WWTR1: variants seen among roughly 807,000 people sequenced by gnomAD.
The protein encoded by WWTR1 is WW domain containing transcription regulator 1.
In WWTR1, 13 loss-of-function variants were observed where a neutral mutation model predicts 40.1. The observed-to-expected ratio is 0.32, with a 90% CI of 0.21 to 0.52. WWTR1 has a LOEUF of 0.52. Among genes scored for constraint, WWTR1 ranks in the 20% least tolerant of loss-of-function variants. The pLI, the probability that WWTR1 is intolerant of heterozygous loss-of-function variation, is 0.97. For synonymous variants in WWTR1, 230 were observed against 210.1 expected (o/e 1.09, Z -0.82); for missense variants, 436 against 523.1 (o/e 0.83, Z 1.63).
At chr3:149,660,462 C>G (rs1381396154), upstream of WWTR1, 1 of 152,150 alleles carries the variant, frequency 6.6e-6, no homozygotes, top group Non-Finnish European at 1.5e-5. Context: ...GGAAATTGCC[C>G]TTAACACAGG....
chr3:149,550,193 T>A (rs564208664), intron 3 of WWTR1, among the ~76,000 whole-genome samples: 1 of 152,282 alleles, frequency 6.6e-6, no homozygotes, highest in Non-Finnish European at 1.5e-5. Flanking sequence ...ATGGTTGGGG[T>A]ATGTACAAAT....
At chr3:149,676,668 G>GGC (rs1559838170) in intron 1 of WWTR1, among the ~76,000 whole-genome samples, 1,695 of 151,662 alleles carry the variant, frequency 0.011, 30 homozygotes, top group African/African-American at 0.039. Flanking sequence ...TTGCCCATGC[G>GGC]CACAGTTAGC....
rs1735000734 is a variant in WWTR1, at chr3:149,520,710, G to A, written c.*95C>T. 11 of 1,197,016 alleles carry A rather than the reference G, an allele frequency of 9.2e-6. No individual in the cohort carries two copies. The East Asian group carries it at 3.1e-4, about 34-fold the overall frequency. The allele number at this position is 1,197,016 out of a possible 1,614,324, so 74.1% of individuals were successfully genotyped here. Reference sequence around the variant, plus strand: ...GGAGCACGAGTCATGGAGGCGGGAAGTGGTGCACCTGCAGACTTGCTCTGC... The same window carrying A: ...GGAGCACGAGTCATGGAGGCGGGAAATGGTGCACCTGCAGACTTGCTCTGC... On this transcript the variant is annotated 3_prime_UTR_variant, in exon 7 of 7. Transcript: ENST00000360632.
intron 1 of WWTR1, among the ~76,000 whole-genome samples, chr3:149,674,595 AAAG>A (rs1357407821): frequency 6.6e-6 from 1 of 152,068 alleles, no homozygotes; most frequent in African/African-American, 2.4e-5. Flanking sequence ...TAAAAAAAAA[AAAG>A]AATTTGTATG....
In WWTR1 at chr3:149,698,693, G is replaced by C. The variant is rs147946873; in HGVS notation, c.-108+4431C>G. ...TTTTCCATATATCCAGAATCTAGGAGGAAACCATCAAGCCTTCTTCACACT... is the reference window on the plus strand; with the variant it reads ...TTTTCCATATATCCAGAATCTAGGACGAAACCATCAAGCCTTCTTCACACT... On this transcript the variant is annotated intron_variant, in intron 1 of 7. Coordinates refer to the WWTR1 transcript ENST00000465804. Among the ~76,000 whole-genome samples the C allele has an allele frequency of 9.3e-4, 141 of 152,306 alleles. 1 individual carries two copies. Among genetic ancestry groups the C allele is most frequent in the Non-Finnish European group, 1.8e-3 (120 of 68,026 alleles).
chr3:149,570,671 T>G (rs1216177681), intron 3 of WWTR1, among the ~76,000 whole-genome samples: 1 of 152,020 alleles, frequency 6.6e-6, no homozygotes, highest in Non-Finnish European at 1.5e-5. Flanking sequence ...TAAATTTGTT[T>G]CAGAATGTTC....
intron 3 of WWTR1, among the ~76,000 whole-genome samples, chr3:149,562,414 A>G (rs1477392313): frequency 2.6e-5 from 4 of 152,224 alleles, no homozygotes; most frequent in Non-Finnish European, 5.9e-5. Context: ...AAAGTCAAGA[A>G]AATATATGAA....
chr3:149,574,939 A>G (rs1439807867), intron 2 of WWTR1, among the ~76,000 whole-genome samples: 1 of 152,106 alleles, frequency 6.6e-6, no homozygotes, highest in African/African-American at 2.4e-5. Context: ...TATTAAAAAT[A>G]TAAAAAGTAG....
chr3:149,568,845 C>T (rs1442070374), intron 3 of WWTR1, among the ~76,000 whole-genome samples: 3 of 152,252 alleles, frequency 2.0e-5, no homozygotes, highest in Non-Finnish European at 4.4e-5. Context: ...CGGCTCACTG[C>T]AAGCTCCGCC....
At chr3:149,692,002 C>T (rs1163733133) in intron 1 of WWTR1, among the ~76,000 whole-genome samples, 2 of 151,538 alleles carry the variant, frequency 1.3e-5, no homozygotes, top group African/African-American at 2.4e-5. Context: ...GGTGACAGAG[C>T]GAGACTCCGT....
chr3:149,626,946 A>G (rs1740573043), intron 2 of WWTR1, among the ~76,000 whole-genome samples: 1 of 151,928 alleles, frequency 6.6e-6, no homozygotes. Context: ...CCACCGTGCC[A>G]CTCCCCAGCA....
chr3:149,606,508 A>G (rs1347726132), intron 2 of WWTR1, among the ~76,000 whole-genome samples: 1 of 152,214 alleles, frequency 6.6e-6, no homozygotes, highest in Non-Finnish European at 1.5e-5. Context: ...AAAGATACAC[A>G]AAACTATGGG....
intron 2 of WWTR1, among the ~76,000 whole-genome samples, chr3:149,616,186 C>G (rs1180396634): frequency 6.6e-6 from 1 of 152,134 alleles, no homozygotes; most frequent in Non-Finnish European, 1.5e-5. Flanking sequence ...CCTGTCTCAT[C>G]GCAGACTCAA....
intron 2 of WWTR1, among the ~76,000 whole-genome samples, chr3:149,619,690 A>G (rs1187641403): frequency 2.6e-5 from 4 of 152,124 alleles, no homozygotes; most frequent in Non-Finnish European, 2.9e-5. Flanking sequence ...CACTCTGTTT[A>G]TTTTTATTAG....
intron 4 of WWTR1, among the ~76,000 whole-genome samples, chr3:149,536,060 TCAA>T (rs1735817146): frequency 6.6e-6 from 1 of 152,036 alleles, no homozygotes; most frequent in Middle Eastern, 3.2e-3. Context: ...ATACTATTGT[TCAA>T]CAACAAGGGC....
At chr3:149,678,582 G>A (rs1309269988) in intron 1 of WWTR1, among the ~76,000 whole-genome samples, 3 of 152,122 alleles carry the variant, frequency 2.0e-5, no homozygotes, top group Non-Finnish European at 2.9e-5. Flanking sequence ...TCCACAGCCT[G>A]AGGCAAGTCG....
chr3:149,681,519 A>C (rs971798937), intron 1 of WWTR1, among the ~76,000 whole-genome samples: 1 of 152,164 alleles, frequency 6.6e-6, no homozygotes, highest in Non-Finnish European at 1.5e-5. Context: ...TCCATTTTAA[A>C]ATCAGGTGTT....
rs1043898438 is a variant in WWTR1, at chr3:149,535,543, T to C, written c.771+6792A>G. 8.5e-5 allele frequency among the ~76,000 whole-genome samples: 13 copies of C among 152,302 alleles called. 1 individual carries two copies. Among genetic ancestry groups the C allele is most frequent in the Admixed American group, 5.9e-4 (9 of 15,290 alleles). On this transcript the variant is annotated intron_variant, in intron 4 of 6. Coordinates refer to ENST00000360632, the MANE Select transcript of WWTR1 (RefSeq NM_015472.6). ...AGAACAATCGAAACTGCGATACTTT[T>C]AGGAAGCCATTTACTAAGTTTGTCA...
At chr3:149,534,555 T>C (rs1264012051) in intron 4 of WWTR1, among the ~76,000 whole-genome samples, 1 of 152,196 alleles carries the variant, frequency 6.6e-6, no homozygotes, top group Admixed American at 6.5e-5. Context: ...ATGTATTCAA[T>C]GATAGTTTTC....
Sources: gnomAD v4.1 joint callset for allele counts (sites outside exome capture counted in the v4.1 genomes callset) on GRCh38, gnomAD v4.1.1 for gene constraint, MANE v1.5 for transcripts, NCBI Gene and HGNC (gene_info 2026-07-23, HGNC 2026-07-21) for gene names.